The following CDC14B variants were observed in gnomAD, a reference collection of about 807,000 sequenced individuals.
CDC14B encodes cell division cycle 14B, also known as dual specificity protein phosphatase CDC14B.
CDC14B carries 22 observed loss-of-function variants against 64.2 expected under a neutral mutation model. The observed-to-expected ratio is 0.34, with a 90% CI of 0.24 to 0.49. The LOEUF is 0.49. Ranked by LOEUF, CDC14B falls within the 20% of genes least tolerant of loss-of-function variation. CDC14B has a pLI of 0.99. For synonymous variants in CDC14B, 191 were observed against 215.8 expected (o/e 0.89, Z 1.01); for missense variants, 498 against 629.9 (o/e 0.79, Z 2.24).
At chr9:96,591,000 A>G (rs760329784) in intron 1 of CDC14B, among the ~76,000 whole-genome samples, 1 of 152,178 alleles carries the variant, frequency 6.6e-6, no homozygotes, top group Non-Finnish European at 1.5e-5. Flanking sequence ...TATATTGTAT[A>G]TATTAGCCCC....
chr9:96,616,820 C>G (rs1240529971), intron 1 of CDC14B, among the ~76,000 whole-genome samples: 1 of 152,120 alleles, frequency 6.6e-6, no homozygotes, highest in African/African-American at 2.4e-5. Context: ...GGGAAAAACA[C>G]GTTGAGAAGG....
intron 1 of CDC14B, among the ~76,000 whole-genome samples, chr9:96,583,087 T>A (rs1845253826): frequency 6.6e-6 from 1 of 152,172 alleles, no homozygotes; most frequent in South Asian, 2.1e-4. Flanking sequence ...CTGTTACGCA[T>A]ACCTCTGGAA....
chr9:96,576,632 CAAAAAA>C (rs11304216), intron 1 of CDC14B, among the ~76,000 whole-genome samples: 2 of 81,658 alleles, frequency 2.4e-5, no homozygotes, highest in Admixed American at 1.5e-4. Flanking sequence ...GACTCCATCT[CAAAAAA>C]AAAAAAAAAA....
At chr9:96,510,435 G>C (rs142145945) in intron 12 of CDC14B, among the ~76,000 whole-genome samples, 203 of 152,132 alleles carry the variant, frequency 1.3e-3, no homozygotes, top group African/African-American at 3.9e-3. Context: ...GTGCATATGA[G>C]AGTAGGCTGC....
At chr9:96,531,406 C>T (rs766899836) in intron 9 of CDC14B, among the ~76,000 whole-genome samples, 41 of 152,210 alleles carry the variant, frequency 2.7e-4, no homozygotes, top group Non-Finnish European at 5.0e-4. Flanking sequence ...TGTAGACTAT[C>T]CAATTTGTTG....
At chr9:96,506,764 C>T (rs1211207866) in intron 13 of CDC14B, among the ~76,000 whole-genome samples, 1 of 152,196 alleles carries the variant, frequency 6.6e-6, no homozygotes. Context: ...CTTGCTGCAA[C>T]CAGGAACCAC....
chr9:96,522,229 C>T (rs138168739), intron 12 of CDC14B, among the ~76,000 whole-genome samples: 205 of 152,282 alleles, frequency 1.3e-3, no homozygotes, highest in African/African-American at 4.7e-3. Context: ...CATCTGCTGT[C>T]GCGCTCCTGA....
At chr9:96,566,844 A>G (rs1844064760) in intron 1 of CDC14B, 1 of 1,594,784 alleles carries the variant, frequency 6.3e-7, no homozygotes, top group East Asian at 2.3e-5. Context: ...AAGGCGGGGC[A>G]GAGGCAAGGA....
At chr9:96,582,256 A>T (rs1402436740) in intron 1 of CDC14B, among the ~76,000 whole-genome samples, 1 of 152,248 alleles carries the variant, frequency 6.6e-6, no homozygotes, top group Admixed American at 6.5e-5. Flanking sequence ...CTATGCTAAC[A>T]TTCTTAAATA....
In CDC14B at chr9:96,523,374, A is replaced by T; in HGVS notation, c.1132T>A (p.Leu378Ile). ...WLEGDYFRQK[L>I]KGQENGQHRA... ...TGTTGTCCATTCTCCTGCCCCTTTAACTTCTGACGAAAATAGTCCCCTTCC... is the reference window on the plus strand; with the variant it reads ...TGTTGTCCATTCTCCTGCCCCTTTATCTTCTGACGAAAATAGTCCCCTTCC... Residue 378 changes from leucine to isoleucine, a missense_variant, in exon 11 of 14, where the codon TTA becomes ATA. By Grantham distance (5) the Leu-to-Ile change is conservative (BLOSUM62 2). Transcript: ENST00000375241. 1.2e-6 allele frequency: 2 copies of T among 1,614,030 alleles called. No homozygotes were observed. Among genetic ancestry groups the T allele is most frequent in the South Asian group, 2.2e-5 (2 of 91,070 alleles).
chr9:96,555,994 T>C (rs2132136268), intron 4 of CDC14B, among the ~76,000 whole-genome samples: 1 of 152,260 alleles, frequency 6.6e-6, no homozygotes, highest in South Asian at 2.1e-4. Context: ...CCCAGCTGCA[T>C]TACTTCTCCT....
chr9:96,592,484 A>C (rs1180351896), intron 1 of CDC14B, among the ~76,000 whole-genome samples: 1 of 152,226 alleles, frequency 6.6e-6, no homozygotes, highest in African/African-American at 2.4e-5. Flanking sequence ...TTCTTCAAAA[A>C]CAGGTTGCTG....
intron 1 of CDC14B, among the ~76,000 whole-genome samples, chr9:96,611,814 G>GTGAAACACTA (rs1385594425): frequency 1.3e-5 from 2 of 152,132 alleles, no homozygotes; most frequent in African/African-American, 4.8e-5. Context: ...ATAATCGTCT[G>GTGAAACACTA]TGAAACACTA....
chr9:96,598,841 A>G (rs961266087), intron 1 of CDC14B, among the ~76,000 whole-genome samples: 5 of 152,212 alleles, frequency 3.3e-5, no homozygotes, highest in Non-Finnish European at 7.3e-5. Flanking sequence ...CTAAAGACAG[A>G]AAACAATCCA....
chr9:96,507,223 A>G (rs1040802088), intron 13 of CDC14B, among the ~76,000 whole-genome samples: 7 of 151,240 alleles, frequency 4.6e-5, no homozygotes, highest in Non-Finnish European at 1.0e-4. Context: ...AGGATGAGGC[A>G]GGAGAATGGT....
At chr9:96,545,020 AC>A (rs973709111) in intron 5 of CDC14B, among the ~76,000 whole-genome samples, 2 of 152,156 alleles carry the variant, frequency 1.3e-5, no homozygotes, top group African/African-American at 4.8e-5. Context: ...TCTCAGGGCT[AC>A]CCCACATCTA....
chr9:96,567,426 C>T (rs763794260), intron 1 of CDC14B, among the ~76,000 whole-genome samples: 1 of 152,252 alleles, frequency 6.6e-6, no homozygotes, highest in African/African-American at 2.4e-5. Context: ...TCTGCCAAGA[C>T]CCGCCAAGTG....
chr9:96,598,125 T>C (rs768256274), intron 1 of CDC14B, among the ~76,000 whole-genome samples: 1 of 152,154 alleles, frequency 6.6e-6, no homozygotes, highest in Non-Finnish European at 1.5e-5. Context: ...GATAATAATG[T>C]CACTAATACT....
At chr9:96,572,501 G>A (rs908299319) in intron 1 of CDC14B, among the ~76,000 whole-genome samples, 4 of 151,874 alleles carry the variant, frequency 2.6e-5, no homozygotes, top group Admixed American at 2.0e-4. Flanking sequence ...TTGCTGTGTT[G>A]ATGTGACAGC....
Sources: allele counts gnomAD v4.1 joint callset (sites outside exome capture counted in the v4.1 genomes callset), GRCh38; gene constraint gnomAD v4.1.1; transcripts MANE v1.5; gene names NCBI Gene and HGNC (gene_info 2026-07-23, HGNC 2026-07-21).